The following ASB4 variants were observed in gnomAD, a reference collection of about 807,000 sequenced individuals.
The protein encoded by ASB4 is ankyrin repeat and SOCS box protein 4.
ASB4 carries 35 observed loss-of-function variants against 38.6 expected under a neutral mutation model. The observed-to-expected ratio is 0.91, with a 90% CI of 0.69 to 1.20. The LOEUF is 1.20. Among genes scored for constraint, ASB4 ranks in the 50% most tolerant of loss-of-function variants. The pLI, the probability that ASB4 is intolerant of heterozygous loss-of-function variation, is 0.00. For synonymous variants in ASB4, 195 were observed against 201.3 expected, an observed-to-expected ratio of 0.97 and a Z score of 0.26; for missense variants, 557 against 527.2, an observed-to-expected ratio of 1.06 and a Z score of -0.55.
chr7:95,536,332 A>T, intron 3 of ASB4, 105 bp from the exon 4 acceptor site: 1 of 665,338 alleles, frequency 1.5e-6, no homozygotes, highest in Non-Finnish European at 2.6e-6. Context: ...TTACAGGCAC[A>T]TGCTACCATG....
chr7:95,540,902 A>C (rs769710718), downstream of ASB4, among the ~76,000 whole-genome samples: 1 of 152,362 alleles, frequency 6.6e-6, no homozygotes, highest in Non-Finnish European at 1.5e-5. Context: ...GCAGTGGGTT[A>C]TCAATGTTGG....
At chr7:95,541,952 A>G (rs1327411800), downstream of ASB4, among the ~76,000 whole-genome samples, 1 of 152,196 alleles carries the variant, frequency 6.6e-6, no homozygotes, top group East Asian at 1.9e-4. Context: ...CTGTAGTCCC[A>G]GCTCCTCCGG....
At chr7:95,484,979 T>A (rs773553402), upstream of ASB4, among the ~76,000 whole-genome samples, 8 of 146,238 alleles carry the variant, frequency 5.5e-5, no homozygotes, top group Non-Finnish European at 1.2e-4. Context: ...TGTATATATG[T>A]ATATATGTGT....
At chr7:95,488,239 G>A in intron 1 of ASB4, among the ~76,000 whole-genome samples, 1 of 152,196 alleles carries the variant, frequency 6.6e-6, no homozygotes, top group East Asian at 1.9e-4. Flanking sequence ...TACTCCCGAG[G>A]CTGAGACAGG....
chr7:95,508,304 G>A (rs1790437471), intron 2 of ASB4, among the ~76,000 whole-genome samples: 1 of 152,032 alleles, frequency 6.6e-6, no homozygotes, highest in East Asian at 1.9e-4. Flanking sequence ...GTGTGTGGTG[G>A]GAAGGCTTTA....
Position 95,532,951 on chromosome 7 carries a change from C to T in ASB4, c.979-3486C>T, listed in dbSNP as rs112373734. 7.5e-3 allele frequency among the ~76,000 whole-genome samples: 1,150 copies of T among 152,326 alleles called. 12 individuals are homozygous for T. The highest frequency in any genetic ancestry group is 0.026 in the African/African-American group (1,101 of 41,564). On this transcript the variant is annotated intron_variant, in intron 3 of 4. Transcript: ENST00000325885. ...CTGTGGTTTCTCCCTTTGGGGTCCACATCAGTCTGCTGTCTCATGTTTCCT... is the reference window on the plus strand; with the variant it reads ...CTGTGGTTTCTCCCTTTGGGGTCCATATCAGTCTGCTGTCTCATGTTTCCT...
At chr7:95,484,966 G>GTGTGTATATATGTATATA (rs201545170), upstream of ASB4, among the ~76,000 whole-genome samples, 1 of 147,764 alleles carries the variant, frequency 6.8e-6, no homozygotes, top group Non-Finnish European at 1.5e-5. Flanking sequence ...ATATATATAT[G>GTGTGTATATATGTATATA]TGTGTATATA....
chr7:95,545,964 C>T, the ASB4 span, among the ~76,000 whole-genome samples: 1 of 152,158 alleles, frequency 6.6e-6, no homozygotes, highest in East Asian at 1.9e-4. Flanking sequence ...TCTGGAAAAT[C>T]ATAAAAGAAT....
upstream of ASB4, chr7:95,473,548 G>A (rs1381214736): frequency 1.3e-5 from 2 of 152,166 alleles, no homozygotes; most frequent in African/African-American, 4.8e-5. Flanking sequence ...CCATTAATGA[G>A]GGAAGCACGA....
intron 1 of ASB4, among the ~76,000 whole-genome samples, chr7:95,495,235 A>T (rs1221841293): frequency 6.6e-6 from 1 of 152,184 alleles, no homozygotes; most frequent in African/African-American, 2.4e-5. Context: ...TGGAGTGATA[A>T]TTTTTTTAAA....
upstream of ASB4, among the ~76,000 whole-genome samples, chr7:95,481,326 A>G (rs1025958935): frequency 6.6e-6 from 1 of 152,064 alleles, no homozygotes; most frequent in Non-Finnish European, 1.5e-5. Context: ...TATGCTAAGC[A>G]TTAACACTAA....
chr7:95,483,275 C>T (rs1253940465), upstream of ASB4, among the ~76,000 whole-genome samples: 1 of 152,192 alleles, frequency 6.6e-6, no homozygotes, highest in Non-Finnish European at 1.5e-5. Flanking sequence ...TCACTTGATA[C>T]ACGTGGTCTG....
At chr7:95,488,607 A>G (rs1021542780) in intron 1 of ASB4, among the ~76,000 whole-genome samples, 4 of 152,210 alleles carry the variant, frequency 2.6e-5, no homozygotes, top group African/African-American at 9.6e-5. Context: ...GTGGCCTTAA[A>G]AGGTATGTGG....
At chr7:95,515,183 TTC>T (rs1384723103) in intron 2 of ASB4, among the ~76,000 whole-genome samples, 2 of 111,212 alleles carry the variant, frequency 1.8e-5, no homozygotes, top group Non-Finnish European at 3.6e-5. Flanking sequence ...CTTTCTTTCT[TTC>T]TTTCTTTCTT....
upstream of ASB4, among the ~76,000 whole-genome samples, chr7:95,483,444 C>T (rs1408657004): frequency 6.6e-6 from 1 of 152,182 alleles, no homozygotes; most frequent in Non-Finnish European, 1.5e-5. Flanking sequence ...TTCAAAGAGA[C>T]TGATCATTTA....
chr7:95,525,883 A>G (rs1790729520), intron 2 of ASB4, among the ~76,000 whole-genome samples: 2 of 152,210 alleles, frequency 1.3e-5, no homozygotes, highest in Non-Finnish European at 2.9e-5. Flanking sequence ...TTACAGAGCA[A>G]TGTACTCTTG....
At chr7:95,479,712 C>G (rs1449370880) in intron 1 of ASB4, among the ~76,000 whole-genome samples, 3 of 152,172 alleles carry the variant, frequency 2.0e-5, no homozygotes, top group Non-Finnish European at 4.4e-5. Flanking sequence ...TACTATGTAT[C>G]AGGCCTAGAA....
chr7:95,488,281 C>CA (rs1232453155), intron 1 of ASB4, among the ~76,000 whole-genome samples: 14 of 152,178 alleles, frequency 9.2e-5, no homozygotes, highest in African/African-American at 2.7e-4. Context: ...GCGGAGCTTG[C>CA]AGTGAGCCCA....
At chr7:95,499,450 A>G (rs969366821) in intron 2 of ASB4, among the ~76,000 whole-genome samples, 4 of 152,248 alleles carry the variant, frequency 2.6e-5, no homozygotes, top group Non-Finnish European at 4.4e-5. Flanking sequence ...AGTAGGTTCC[A>G]GAAGCAGAGA....
Sources: allele counts gnomAD v4.1 joint callset (sites outside exome capture counted in the v4.1 genomes callset), GRCh38; gene constraint gnomAD v4.1.1; transcripts MANE v1.5; gene names NCBI Gene and HGNC (gene_info 2026-07-23, HGNC 2026-07-21).